RAB38: variants seen among roughly 807,000 people sequenced by gnomAD.
RAB38 encodes the protein RAB38, member RAS oncogene family, also known as ras-related protein Rab-38.
Under a neutral mutation model 18.4 loss-of-function variants are expected in RAB38, and 15 were observed. That is an observed-to-expected ratio of 0.82 (90% CI 0.55 to 1.26). The LOEUF (loss-of-function observed/expected upper bound fraction) is 1.26, where lower values mean the gene tolerates loss of function less well. Among genes scored for constraint, RAB38 ranks in the 50% most tolerant of loss-of-function variants. RAB38 has a pLI of 0.00. For missense variants in RAB38, 294 were observed against 267.4 expected (o/e 1.10, Z -0.69); for synonymous variants, 101 against 104.4 (o/e 0.97, Z 0.20).
the RAB38 span, among the ~76,000 whole-genome samples, chr11:87,911,932 G>A: frequency 1.3e-5 from 2 of 151,624 alleles, no homozygotes; most frequent in Non-Finnish European, 2.9e-5. Flanking sequence ...GAATGGATAT[G>A]GATTTTGGCA....
At chr11:87,930,543 T>C in the RAB38 span, among the ~76,000 whole-genome samples, 1 of 152,212 alleles carries the variant, frequency 6.6e-6, no homozygotes, top group Admixed American at 6.6e-5. Flanking sequence ...GTACTTTCTT[T>C]TGCTGTGCAG....
chr11:87,952,666 C>T, the RAB38 span, among the ~76,000 whole-genome samples: 63 of 152,250 alleles, frequency 4.1e-4, no homozygotes, highest in African/African-American at 1.3e-3. Context: ...TGCATGGTTT[C>T]GGACATGGTC....
At chr11:87,882,691 A>G in the RAB38 span, among the ~76,000 whole-genome samples, 2 of 151,886 alleles carry the variant, frequency 1.3e-5, no homozygotes, top group Non-Finnish European at 2.9e-5. Context: ...AGCAGTCTCT[A>G]TAGCTACACT....
chr11:87,860,045 T>C, the RAB38 span, among the ~76,000 whole-genome samples: 1 of 151,964 alleles, frequency 6.6e-6, no homozygotes, highest in African/African-American at 2.4e-5. Context: ...CCTAACTGGG[T>C]AGGATCTTCC....
At chr11:88,138,785 TTTTATTA>T (rs1942866485) in intron 2 of RAB38, among the ~76,000 whole-genome samples, 1 of 113,750 alleles carries the variant, frequency 8.8e-6, no homozygotes, top group African/African-American at 3.5e-5. Context: ...ATTCTTTTTT[TTTTATTA>T]TTTTTTTTGA....
At chr11:88,172,087 G>C (rs1327656571) in intron 1 of RAB38, among the ~76,000 whole-genome samples, 1 of 152,234 alleles carries the variant, frequency 6.6e-6, no homozygotes, top group Non-Finnish European at 1.5e-5. Context: ...GCACTCACAG[G>C]CCAGCAAGTG....
the RAB38 span, among the ~76,000 whole-genome samples, chr11:87,947,598 T>C: frequency 6.6e-6 from 1 of 152,166 alleles, no homozygotes; most frequent in Non-Finnish European, 1.5e-5. Flanking sequence ...GTTTCAGCTT[T>C]CTACATATGG....
At chr11:87,930,175 C>T in the RAB38 span, among the ~76,000 whole-genome samples, 1 of 152,062 alleles carries the variant, frequency 6.6e-6, no homozygotes, top group Non-Finnish European at 1.5e-5. Context: ...GTTTACAGTC[C>T]CACCAACAGT....
the RAB38 span, among the ~76,000 whole-genome samples, chr11:87,818,705 T>G: frequency 1.3e-5 from 2 of 152,148 alleles, no homozygotes; most frequent in Non-Finnish European, 2.9e-5. Context: ...TTAAAAAAAT[T>G]TATTTTCTTG....
chr11:87,840,233 G>T, the RAB38 span, among the ~76,000 whole-genome samples: 1 of 152,152 alleles, frequency 6.6e-6, no homozygotes, highest in Non-Finnish European at 1.5e-5. Context: ...ACTGCCAGAT[G>T]GCTTACTGAA....
intron 2 of RAB38, among the ~76,000 whole-genome samples, chr11:88,119,607 G>A (rs1369403285): frequency 1.3e-5 from 2 of 150,162 alleles, no homozygotes; most frequent in East Asian, 3.9e-4. Context: ...TTTTTAATTA[G>A]CTCTTCAGAA....
chr11:87,934,505 G>T, the RAB38 span, among the ~76,000 whole-genome samples: 5 of 152,036 alleles, frequency 3.3e-5, no homozygotes, highest in Non-Finnish European at 5.9e-5. Flanking sequence ...TGACCCAGTT[G>T]AATTTATTAT....
intron 2 of RAB38, among the ~76,000 whole-genome samples, chr11:88,124,572 T>A (rs770914214): frequency 3.9e-5 from 6 of 152,178 alleles, no homozygotes; most frequent in Non-Finnish European, 8.8e-5. Flanking sequence ...CTACCAAAAT[T>A]CTGGCCTCAA....
At chr11:87,845,525 A>C in the RAB38 span, among the ~76,000 whole-genome samples, 1 of 152,106 alleles carries the variant, frequency 6.6e-6, no homozygotes, top group Non-Finnish European at 1.5e-5. Context: ...ATAAAAAATG[A>C]CCAGCCTCTG....
intron 2 of RAB38, among the ~76,000 whole-genome samples, chr11:88,143,906 C>T (rs985571358): frequency 5.9e-5 from 9 of 152,122 alleles, no homozygotes; most frequent in African/African-American, 2.2e-4. Context: ...CGTAGGGAAC[C>T]TCTAGAGAAT....
chr11:87,892,567 A>C, the RAB38 span, among the ~76,000 whole-genome samples: 1 of 151,814 alleles, frequency 6.6e-6, no homozygotes, highest in Non-Finnish European at 1.5e-5. Flanking sequence ...GGCAGAGCAT[A>C]GCCAATCAAG....
chr11:87,976,289 T>TATAC, the RAB38 span, among the ~76,000 whole-genome samples: 1 of 144,416 alleles, frequency 6.9e-6, no homozygotes, highest in South Asian at 2.1e-4. Flanking sequence ...TATATATATA[T>TATAC]ACATACACAC....
At chr11:88,167,314 G>C (rs371070732) in intron 1 of RAB38, 1 of 152,164 alleles carries the variant, frequency 6.6e-6, no homozygotes, top group African/African-American at 2.4e-5. Flanking sequence ...AGATGTGAGA[G>C]ATAAGACTGA....
chr11:88,013,732 G>A, the RAB38 span, among the ~76,000 whole-genome samples: 3 of 152,070 alleles, frequency 2.0e-5, no homozygotes, highest in Non-Finnish European at 4.4e-5. Flanking sequence ...ACCTTCTAGA[G>A]TTTATGGTTT....
Sources: allele counts gnomAD v4.1 joint callset (sites outside exome capture counted in the v4.1 genomes callset), GRCh38; gene constraint gnomAD v4.1.1; transcripts MANE v1.5; gene names NCBI Gene and HGNC (gene_info 2026-07-23, HGNC 2026-07-21).